ADGRE5: variants seen among roughly 807,000 people sequenced by gnomAD.
The protein encoded by ADGRE5 is CD97 molecule.
In ADGRE5, 72 loss-of-function variants were observed where a neutral mutation model predicts 100.3. The observed-to-expected ratio is 0.72, with a 90% confidence interval of 0.59 to 0.87. ADGRE5 has a LOEUF of 0.87. Among genes scored for constraint, ADGRE5 ranks in the 40% least tolerant of loss-of-function variants. ADGRE5 has a pLI of 0.00. For synonymous variants in ADGRE5, 439 were observed against 447.8 expected (o/e 0.98, Z 0.25); for missense variants, 959 against 1,094.7 (o/e 0.88, Z 1.75).
Position 14,396,779 on chromosome 19 carries a change from A to AG in ADGRE5, c.479-295dup, listed in dbSNP as rs551184997. Among the ~76,000 whole-genome samples the AG allele has an allele frequency of 3.9e-4, 60 of 152,334 alleles. 4 individuals carry two copies. Among genetic ancestry groups the AG allele is most frequent in the Admixed American group, 3.3e-3 (51 of 15,298 alleles). ...AAGAAGGGGAATCTCCACTATGACC[A>AG]GGGAGGGAGCAGATGAGAGTTTTTA... On this transcript the variant is annotated intron_variant, in intron 5 of 19. Transcript: ENST00000242786.
At chr19:14,400,422 G>A (rs1016707892) in intron 9 of ADGRE5, among the ~76,000 whole-genome samples, 1 of 152,036 alleles carries the variant, frequency 6.6e-6, no homozygotes, top group African/African-American at 2.4e-5. Flanking sequence ...CAAACGCACT[G>A]GAAGTACAGG....
In ADGRE5 at chr19:14,397,957, G is replaced by A. The variant is rs368847983; in HGVS notation, c.819+22G>A. 6.5e-5 allele frequency: 93 copies of A among 1,427,628 alleles called. No homozygotes were observed. In the African/African-American group the frequency reaches 1.1e-3, roughly 17 times the overall value. 88.4% of individuals were successfully genotyped at this position (1,427,628 alleles called of 1,614,324 possible). On this transcript the variant is annotated intron_variant, in intron 8 of 19. Transcript: ENST00000242786. ...CCAGGTGAGTGGCCCCCACAGGGAC[G>A]AGGCGGCGGGAACTCCATCCACACA...
intron 1 of ADGRE5, among the ~76,000 whole-genome samples, chr19:14,385,605 C>T (rs1003499560): frequency 2.6e-5 from 4 of 151,924 alleles, no homozygotes; most frequent in East Asian, 1.9e-4. Flanking sequence ...GCGGCTACAG[C>T]GTCTTCCTGT....
rs754104308 is a variant in ADGRE5 at position 14,405,831 on chromosome 19, G to A, written c.1713G>A (p.Leu571=). 3.2e-5 allele frequency: 52 copies of A among 1,613,564 alleles called. No homozygotes were observed. Among genetic ancestry groups the A allele is most frequent in the East Asian group, 3.1e-4 (14 of 44,888 alleles). ...TGCTGTGCATCCTCACTTTCCTGCT[G>A]GTGCGGCCCATCCAGGGCTCGCGCA... The part of the protein sequence containing the change: ...CLLLCILTFL[L]VRPIQGSRTT... The change falls in exon 14 of 20, where the codon CTG becomes CTA. Residue 571 remains leucine, a synonymous_variant. Transcript: ENST00000242786.
chr19:14,382,060 G>A (rs779870319), intron 1 of ADGRE5, among the ~76,000 whole-genome samples: 4 of 152,106 alleles, frequency 2.6e-5, no homozygotes, highest in Non-Finnish European at 4.4e-5. Flanking sequence ...GCTCAGCTGC[G>A]GATCGAAGGG....
rs201248382 is a variant in ADGRE5, at chr19:14,402,609, C to T, written c.1196C>T (p.Ala399Val). 1.4e-5 allele frequency: 23 copies of T among 1,614,026 alleles called. No individual in the cohort carries two copies. The South Asian group carries it at 1.5e-4, about 11-fold the overall frequency. Residue 399 changes from alanine (A) to valine (V), a missense_variant, in exon 12 of 20, where the codon GCG becomes GTG. Physicochemically the swap from Ala to Val is moderately conservative, Grantham distance 64 (BLOSUM62 0). Coordinates refer to ENST00000242786, the MANE Select transcript of ADGRE5 (RefSeq NM_078481.4). ...AGAEDPGPAVAGILSIQNMTT... is the reference protein window; with the variant it reads ...AGAEDPGPAVVGILSIQNMTT... ...GTCTGTTCCCCAGGCCCCGCCGTGG[C>T]GGGCATCCTCTCCATCCAGAACATG...
intron 12 of ADGRE5, among the ~76,000 whole-genome samples, chr19:14,403,619 G>T (rs533436649): frequency 1.3e-5 from 2 of 152,158 alleles, no homozygotes; most frequent in South Asian, 4.1e-4. Flanking sequence ...CTCCTGAGTA[G>T]CTGGGACTAT....
chr19:14,399,019 T>C (rs1002205214), intron 9 of ADGRE5, among the ~76,000 whole-genome samples: 1 of 151,346 alleles, frequency 6.6e-6, no homozygotes, highest in Non-Finnish European at 1.5e-5. Flanking sequence ...TTTATTTATT[T>C]AATATATTTA....
chr19:14,385,061 C>T (rs1599608219), intron 1 of ADGRE5, among the ~76,000 whole-genome samples: 2 of 124,756 alleles, frequency 1.6e-5, no homozygotes, highest in Admixed American at 2.0e-4. Flanking sequence ...CCCAGGCTGG[C>T]GTGCAGTGGC....
At chr19:14,382,694 C>G (rs1975200524) in intron 1 of ADGRE5, among the ~76,000 whole-genome samples, 1 of 148,302 alleles carries the variant, frequency 6.7e-6, no homozygotes, top group African/African-American at 2.6e-5. Context: ...GAGACGTTGT[C>G]TCTACCAAAA....
chr19:14,384,601 G>A (rs2080084366), intron 1 of ADGRE5, among the ~76,000 whole-genome samples: 2 of 110,716 alleles, frequency 1.8e-5, no homozygotes, highest in African/African-American at 7.3e-5. Flanking sequence ...CCCACCTGCC[G>A]CTCATATCCC....
At chr19:14,407,858 G>A (rs1048238274) in intron 18 of ADGRE5, 50 bp from the exon 19 acceptor site, 2 of 1,489,178 alleles carry the variant, frequency 1.3e-6, no homozygotes, top group Non-Finnish European at 1.9e-6. Context: ...GGAGGAGCGT[G>A]CATGGTCCCA....
chr19:14,388,700 A>C lies in ADGRE5; in HGVS notation c.74-2A>C. Reference sequence around the variant, plus strand: ...TTCTGACCGTGCTCCCTGCTCTTGCAGGCTGTGCCCGGTGGTGCCCTCAGA... The same window carrying C: ...TTCTGACCGTGCTCCCTGCTCTTGCCGGCTGTGCCCGGTGGTGCCCTCAGA... On this transcript the variant is annotated splice_acceptor_variant, in intron 2 of 19. Transcript: ENST00000242786. LOFTEE classifies it high-confidence loss of function. The C allele has an allele frequency of 6.2e-7, 1 of 1,613,356 alleles. No homozygotes were observed. Among genetic ancestry groups the C allele is most frequent in the Non-Finnish European group, 8.5e-7 (1 of 1,179,784 alleles).
chr19:14,404,353 A>G (rs1976132674), intron 12 of ADGRE5, 30 bp from the exon 13 acceptor site: 1 of 1,591,036 alleles, frequency 6.3e-7, no homozygotes, highest in Non-Finnish European at 8.5e-7. Flanking sequence ...CTCCAGGCCA[A>G]CCTTTCTGAC....
rs145704663 is a variant in ADGRE5 at position 14,401,838 on chromosome 19, A to G, written c.1183+78A>G. 9.9e-5 allele frequency: 100 copies of G among 1,011,632 alleles called. No individual in the cohort carries two copies. In the African/African-American group the frequency reaches 1.4e-3, roughly 14 times the overall value. The allele number at this position is 1,011,632 out of a possible 1,614,324, so 62.7% of individuals were successfully genotyped here. A position where few individuals can be genotyped will look rare whatever the true frequency, so the allele number is the denominator to read the frequency against. On this transcript the variant is annotated intron_variant, in intron 11 of 19. Transcript: ENST00000242786. The surrounding 1 kb of genome is among the most constrained non-coding windows in gnomAD (Gnocchi z 4.1). ...GGATGGGGCCAGGGTGAGGTTCAGA[A>G]TAGAACAACTGACTGGGCGCGGTGG...
At chr19:14,389,728 CTT>C (rs1239132987) in intron 3 of ADGRE5, among the ~76,000 whole-genome samples, 1 of 145,400 alleles carries the variant, frequency 6.9e-6, no homozygotes, top group Non-Finnish European at 1.5e-5. Context: ...CAGAGCAAGA[CTT>C]TGTCTCAAAA....
chr19:14,401,000 T>C (rs1975986670), intron 9 of ADGRE5, among the ~76,000 whole-genome samples: 1 of 152,146 alleles, frequency 6.6e-6, no homozygotes, highest in Admixed American at 6.5e-5. Flanking sequence ...GGCACGCTTC[T>C]GTAGTCCCAG....
intron 1 of ADGRE5, among the ~76,000 whole-genome samples, chr19:14,382,628 C>G (rs569659159): frequency 2.0e-5 from 3 of 152,102 alleles, no homozygotes; most frequent in South Asian, 4.2e-4. Context: ...TTTGAGAGGC[C>G]GAGGCAGGTG....
chr19:14,389,867 G>A (rs949767155), intron 3 of ADGRE5, among the ~76,000 whole-genome samples: 10 of 151,950 alleles, frequency 6.6e-5, no homozygotes, highest in African/African-American at 1.9e-4. Flanking sequence ...TTGGGAGTTC[G>A]AGACCAGCCT....
Sources: gnomAD v4.1 joint callset for allele counts (sites outside exome capture counted in the v4.1 genomes callset) on GRCh38, gnomAD v4.1.1 for gene constraint, Gnocchi (gnomAD v3.1) non-coding constraint, MANE v1.5 for transcripts, NCBI Gene and HGNC (gene_info 2026-07-23, HGNC 2026-07-21) for gene names.